The following LRRC4C variants were observed in gnomAD, a reference collection of about 807,000 sequenced individuals.
LRRC4C encodes the protein leucine-rich repeat-containing protein 4C.
LRRC4C carries 5 observed loss-of-function variants against 33.6 expected under a neutral mutation model. The ratio of observed to expected loss-of-function variants is 0.15; its 90% confidence interval spans 0.08 to 0.31. The LOEUF is 0.31. Ranked by LOEUF, LRRC4C falls within the 10% of genes least tolerant of loss-of-function variation. The probability of loss-of-function intolerance (pLI) is 1.00; values close to 1 mark genes in which losing one functional copy is unlikely to be tolerated. For missense variants in LRRC4C, 560 were observed against 796.7 expected, an observed-to-expected ratio of 0.70 and a Z score of 3.58; for synonymous variants, 329 against 302.0, an observed-to-expected ratio of 1.09 and a Z score of -0.93.
chr11:40,670,853 T>TC lies in LRRC4C; in HGVS notation c.-406-22576dup, dbSNP rs1218301206. On this transcript the variant is annotated intron_variant, in intron 2 of 6. Coordinates refer to ENST00000528697, the MANE Select transcript of LRRC4C (RefSeq NM_001258419.2). ...TCCTCGGCTCACTGCAAGCTCCGCC[T>TC]CCCGGGTTCACGCCATTCTCCTGCC... Among the ~76,000 whole-genome samples the TC allele has an allele frequency of 5.9e-5, 9 of 152,262 alleles. No homozygotes were observed. In the East Asian group the frequency reaches 1.7e-3, roughly 29 times the overall value.
At chr11:40,460,090 G>A (rs779410283) in intron 3 of LRRC4C, among the ~76,000 whole-genome samples, 22 of 152,078 alleles carry the variant, frequency 1.4e-4, no homozygotes, top group Admixed American at 6.6e-4. Context: ...ACTATCCGGG[G>A]TAGTTTACTC....
At chr11:40,679,857 G>T (rs539389704) in intron 2 of LRRC4C, among the ~76,000 whole-genome samples, 3 of 152,246 alleles carry the variant, frequency 2.0e-5, no homozygotes, top group Admixed American at 6.5e-5. Context: ...AATCCCTACT[G>T]GGGTACTGCC....
At chr11:40,269,326 A>G (rs1228527594) in intron 4 of LRRC4C, among the ~76,000 whole-genome samples, 2 of 152,220 alleles carry the variant, frequency 1.3e-5, no homozygotes, top group African/African-American at 4.8e-5. Context: ...AGTTCTTACT[A>G]TGTGTCAATC....
intron 3 of LRRC4C, among the ~76,000 whole-genome samples, chr11:40,614,558 C>A (rs1961567319): frequency 7.9e-6 from 1 of 126,654 alleles, no homozygotes; most frequent in African/African-American, 2.6e-5. Flanking sequence ...TTGTAATTTT[C>A]TTCAACGACT....
At chr11:40,505,948 A>C (rs1955015115) in intron 3 of LRRC4C, among the ~76,000 whole-genome samples, 1 of 152,046 alleles carries the variant, frequency 6.6e-6, no homozygotes, top group Admixed American at 6.6e-5. Context: ...GTAGCCTTAG[A>C]ATTTCACATT....
intron 3 of LRRC4C, among the ~76,000 whole-genome samples, chr11:40,519,953 C>T (rs959296324): frequency 6.6e-6 from 1 of 152,182 alleles, no homozygotes; most frequent in African/African-American, 2.4e-5. Flanking sequence ...ATTCTATTGG[C>T]AGGAAATGCC....
intron 2 of LRRC4C, among the ~76,000 whole-genome samples, chr11:40,775,073 A>G (rs1949928422): frequency 6.6e-6 from 1 of 152,066 alleles, no homozygotes; most frequent in Non-Finnish European, 1.5e-5. Context: ...TCTTATCATT[A>G]TTATATAGAT....
intron 3 of LRRC4C, among the ~76,000 whole-genome samples, chr11:40,505,514 A>G (rs900289739): frequency 6.6e-6 from 1 of 152,118 alleles, no homozygotes; most frequent in Non-Finnish European, 1.5e-5. Context: ...GTGCCCTGTA[A>G]ACTTTGAGAA....
chr11:41,281,050 C>CTG (rs1949649684), intron 1 of LRRC4C, among the ~76,000 whole-genome samples: 1 of 129,164 alleles, frequency 7.7e-6, no homozygotes, highest in Non-Finnish European at 1.6e-5. Flanking sequence ...TTTTCTCTCT[C>CTG]TCTCTCTCTC....
In LRRC4C at chr11:40,809,230, C is replaced by T. The variant is rs185923719; in HGVS notation, c.-407+124405G>A. Reference sequence around the variant, plus strand: ...TCCATTTCAACCTGGCTTCCTTCTCCACTATGCTGCTGAACTGCTCTTGTC... The same window carrying T: ...TCCATTTCAACCTGGCTTCCTTCTCTACTATGCTGCTGAACTGCTCTTGTC... On this transcript the variant is annotated intron_variant, in intron 2 of 6. Transcript: ENST00000528697. 2.0e-5 allele frequency among the ~76,000 whole-genome samples: 3 copies of T among 152,232 alleles called. No individual in the cohort carries two copies. The East Asian group carries it at 5.8e-4, about 29-fold the overall frequency.
At chr11:41,401,117 T>C (rs544813257) in intron 1 of LRRC4C, among the ~76,000 whole-genome samples, 1 of 152,070 alleles carries the variant, frequency 6.6e-6, no homozygotes, top group East Asian at 1.9e-4. Context: ...GAATTCAGTG[T>C]ATTTTTTAGG....
At chr11:41,169,122 C>T (rs1944858273) in intron 1 of LRRC4C, among the ~76,000 whole-genome samples, 1 of 152,118 alleles carries the variant, frequency 6.6e-6, no homozygotes. Flanking sequence ...TTAAACCTTC[C>T]TCAAAAGGGT....
intron 3 of LRRC4C, among the ~76,000 whole-genome samples, chr11:40,450,155 C>T (rs1335019541): frequency 6.6e-6 from 1 of 152,106 alleles, no homozygotes; most frequent in African/African-American, 2.4e-5. Context: ...AGAAGACCCA[C>T]TCACTAAATA....
chr11:40,446,501 A>G (rs991477053), intron 3 of LRRC4C: 6 of 152,160 alleles, frequency 3.9e-5, no homozygotes, highest in Admixed American at 6.5e-5. Flanking sequence ...ATTTGCCACA[A>G]ATGTCTGCTG....
At chr11:41,046,714 T>A (rs1020791290) in intron 1 of LRRC4C, among the ~76,000 whole-genome samples, 8 of 152,174 alleles carry the variant, frequency 5.3e-5, no homozygotes, top group African/African-American at 1.9e-4. Flanking sequence ...TTTGTTATTC[T>A]CTGATGGTCA....
rs576628614 is a variant in LRRC4C at position 40,607,023 on chromosome 11, A to G, written c.-270+41119T>C. 4.6e-5 allele frequency among the ~76,000 whole-genome samples: 7 copies of G among 152,312 alleles called. No homozygotes were observed. In the South Asian group the frequency reaches 1.4e-3, roughly 32 times the overall value. ...AGACTATTAGTGAATTTCTCATCAG[A>G]AACTTTACAGGCAAGAAAGAAGTGG... is the stretch of plus-strand genomic sequence containing the variant. On this transcript the variant is annotated intron_variant, in intron 3 of 6. Coordinates refer to ENST00000528697, the MANE Select transcript of LRRC4C (RefSeq NM_001258419.2).
intron 2 of LRRC4C, among the ~76,000 whole-genome samples, chr11:40,912,093 G>A (rs1205886197): frequency 6.6e-6 from 1 of 152,204 alleles, no homozygotes; most frequent in Admixed American, 6.5e-5. Flanking sequence ...AAGTGAGGGG[G>A]AGAATGGAAC....
At chr11:40,978,194 C>T (rs948620415) in intron 1 of LRRC4C, among the ~76,000 whole-genome samples, 24 of 152,144 alleles carry the variant, frequency 1.6e-4, no homozygotes, top group African/African-American at 5.3e-4. Flanking sequence ...TACAATTCAC[C>T]GGCTCACATT....
At chr11:40,594,200 A>T (rs974414522) in intron 3 of LRRC4C, among the ~76,000 whole-genome samples, 11 of 152,172 alleles carry the variant, frequency 7.2e-5, no homozygotes, top group Non-Finnish European at 1.0e-4. Flanking sequence ...TAGCTCTTTA[A>T]TTGCTGGGAA....
Sources: allele counts gnomAD v4.1 joint callset (sites outside exome capture counted in the v4.1 genomes callset), GRCh38; gene constraint gnomAD v4.1.1; transcripts MANE v1.5; gene names NCBI Gene and HGNC (gene_info 2026-07-23, HGNC 2026-07-21).